The following LYRM9 variants were observed in gnomAD, a reference collection of about 807,000 sequenced individuals.
The protein encoded by LYRM9 is LYR motif containing 9.
In LYRM9, 14 loss-of-function variants were observed where a neutral mutation model predicts 12.6. That is an observed-to-expected ratio of 1.11 (90% CI 0.73 to 1.73). The LOEUF (loss-of-function observed/expected upper bound fraction) is 1.73, where lower values mean the gene tolerates loss of function less well. LYRM9 is among the 40% of genes most tolerant of loss of function. LYRM9 has a pLI of 0.00. For synonymous variants in LYRM9, 42 were observed against 35.1 expected, an observed-to-expected ratio of 1.20 and a Z score of -0.69; for missense variants, 94 against 95.0, an observed-to-expected ratio of 0.99 and a Z score of 0.04.
At chr17:27,880,125 C>T (rs777055842) in intron 3 of LYRM9, 149 bp downstream of exon 3, 31 of 721,072 alleles carry the variant, frequency 4.3e-5, no homozygotes, top group Non-Finnish European at 7.0e-5. Context: ...CTTCACCTTT[C>T]AGCTTCTGGA....
At chr17:27,883,307 C>T in intron 1 of LYRM9, 1 of 253,798 alleles carries the variant, frequency 3.9e-6, no homozygotes, top group Non-Finnish European at 7.9e-6. Flanking sequence ...CTAGGGGGCT[C>T]TGCAGAGAAG....
rs896537594 is a variant in LYRM9, at chr17:27,879,196, A to G, written c.*277T>C. ...TGAATCACTTTCAGAGAAAAGTAAA[A>G]GAACAAAAACACAAAAATAAAAAAC... is the stretch of plus-strand genomic sequence containing the variant. On this transcript the variant is annotated 3_prime_UTR_variant, in exon 4 of 4. Coordinates refer to ENST00000379102, the MANE Select transcript of LYRM9 (RefSeq NM_001076680.3). 12 of 387,646 alleles carry G rather than the reference A, an allele frequency of 3.1e-5. No individual in the cohort carries two copies. The highest frequency in any genetic ancestry group is 5.6e-5 in the Non-Finnish European group (12 of 215,028). 24.0% of individuals were successfully genotyped at this position (387,646 alleles called of 1,614,324 possible).
At chr17:27,890,389 TG>T (rs1905393257) in intron 1 of LYRM9, among the ~76,000 whole-genome samples, 1 of 150,038 alleles carries the variant, frequency 6.7e-6, no homozygotes, top group African/African-American at 2.5e-5. Flanking sequence ...TGCATATAGA[TG>T]GAAAAAAAAA....
intron 1 of LYRM9, among the ~76,000 whole-genome samples, chr17:27,889,371 A>G (rs7220420): frequency 0.8 from 120,426 of 151,454 alleles, 48,551 homozygotes; most frequent in African/African-American, 0.93. Context: ...GCAATGGCGC[A>G]ATCTTGGCTC....
In LYRM9 at chr17:27,886,414, G is replaced by T. The variant is rs970741623; in HGVS notation, c.-18-3702C>A. Among the ~76,000 whole-genome samples the T allele has an allele frequency of 1.3e-5, 2 of 152,174 alleles. No homozygotes were observed. The highest frequency in any genetic ancestry group is 4.8e-5 in the African/African-American group (2 of 41,424). On this transcript the variant is annotated intron_variant, in intron 1 of 3. Coordinates refer to ENST00000379102, the MANE Select transcript of LYRM9 (RefSeq NM_001076680.3). The surrounding 1 kb of genome is among the most constrained non-coding windows in gnomAD (Gnocchi z 4.8). ...GCGTAGGTTTGCTATTATTTAAGGG[G>T]CAATGAACCTCACAGCATCATTGCT... is the stretch of plus-strand genomic sequence containing the variant.
At chr17:27,885,422 G>A (rs1473759580) in intron 1 of LYRM9, among the ~76,000 whole-genome samples, 2 of 152,036 alleles carry the variant, frequency 1.3e-5, no homozygotes, top group African/African-American at 4.8e-5. Context: ...CCCAAATAAC[G>A]TATTTGGGCC....
chr17:27,880,614 G>A (rs1432816857), intron 2 of LYRM9: 2 of 544,876 alleles, frequency 3.7e-6, no homozygotes, highest in Non-Finnish European at 6.5e-6. Flanking sequence ...CAAGGTAGGT[G>A]CAAAAAGACT....
chr17:27,893,276 G>A (rs61436305), intron 1 of LYRM9, 41 bp downstream of exon 1: 3,839 of 153,048 alleles, frequency 0.025, 164 homozygotes, highest in African/African-American at 0.088. Flanking sequence ...CGCTGCCCCC[G>A]CGCCCCCGCC....
rs11319281 is a variant in LYRM9 at position 27,886,653 on chromosome 17, ATT to A, written c.-18-3943_-18-3942del. Among the ~76,000 whole-genome samples the A allele has an allele frequency of 9.7e-4, 137 of 141,472 alleles. 1 individual carries two copies. Among genetic ancestry groups the A allele is most frequent in the African/African-American group, 1.6e-3 (63 of 38,482 alleles). The allele number at this position is 141,472 out of a possible 152,430, so 92.8% of individuals were successfully genotyped here. A position where few individuals can be genotyped will look rare whatever the true frequency, so the allele number is the denominator to read the frequency against. On this transcript the variant is annotated intron_variant, in intron 1 of 3. Coordinates refer to ENST00000379102, the MANE Select transcript of LYRM9 (RefSeq NM_001076680.3). The surrounding 1 kb of genome is among the most constrained non-coding windows in gnomAD (Gnocchi z 4.8). ...TTTCTTTCTTTTCTTTTCTTTTTTT[ATT>A]TTTTTTTTTTTGAGACAGAGTTTCG...
At chr17:27,892,346 T>C (rs1447389157) in intron 1 of LYRM9, 7 of 444,136 alleles carry the variant, frequency 1.6e-5, no homozygotes, top group Non-Finnish European at 3.1e-5. Flanking sequence ...GAAGGGAAAT[T>C]AGTAAGAAAA....
chr17:27,891,613 C>A lies in LYRM9; in HGVS notation c.-19+1704G>T, dbSNP rs538713511. ...CCAGTTCCCTGTCACCTCCTTCAGGCTTTCATCCCATGCTGTTCACACCCC... is the reference window on the plus strand; with the variant it reads ...CCAGTTCCCTGTCACCTCCTTCAGGATTTCATCCCATGCTGTTCACACCCC... On this transcript the variant is annotated intron_variant, in intron 1 of 3. Coordinates refer to ENST00000379102, the MANE Select transcript of LYRM9 (RefSeq NM_001076680.3). Among the ~76,000 whole-genome samples the A allele has an allele frequency of 3.9e-5, 6 of 152,350 alleles. No individual in the cohort carries two copies. The South Asian group carries it at 1.2e-3, about 32-fold the overall frequency.
intron 1 of LYRM9, chr17:27,892,623 T>G: frequency 3.1e-6 from 1 of 321,866 alleles, no homozygotes; most frequent in South Asian, 2.5e-5. Context: ...AGTACATTGG[T>G]GGTTGCCTAG....
At chr17:27,882,291 G>A (rs372156730) in intron 2 of LYRM9, among the ~76,000 whole-genome samples, 1 of 152,228 alleles carries the variant, frequency 6.6e-6, no homozygotes, top group Admixed American at 6.5e-5. Flanking sequence ...TGGCAGGGAT[G>A]CCTGCCTAAA....
In LYRM9 at chr17:27,883,835, TAAAAAAAAAAAAAAAAAAAA is replaced by T. The variant is rs781375467; in HGVS notation, c.-18-1143_-18-1124del. 9.8e-4 allele frequency among the ~76,000 whole-genome samples: 24 copies of T among 24,576 alleles called. 1 individual carries two copies. The Admixed American group carries it at 0.014, about 14-fold the overall frequency. 16.1% of individuals were successfully genotyped at this position (24,576 alleles called of 152,430 possible). ...GCAGTCTGGCTCCAGAGCCTTTTTCTAAAAAAAAAAAAAAAAAAAAAAAAAAAAAAAAAAAGGCTGTATTG... is the reference window on the plus strand; with the variant it reads ...GCAGTCTGGCTCCAGAGCCTTTTTCTAAAAAAAAAAAAAAAGGCTGTATTG... On this transcript the variant is annotated intron_variant, in intron 1 of 3. Transcript: ENST00000379102.
chr17:27,881,781 T>C (rs761432940), intron 2 of LYRM9, among the ~76,000 whole-genome samples: 22 of 150,150 alleles, frequency 1.5e-4, no homozygotes, highest in Admixed American at 8.1e-4. Context: ...ATAGCCCATA[T>C]TCCAATTTCA....
chr17:27,882,749 C>A (rs772784545), intron 1 of LYRM9, 37 bp from the exon 2 acceptor site: 4 of 1,535,748 alleles, frequency 2.6e-6, no homozygotes, highest in Non-Finnish European at 3.5e-6. Flanking sequence ...GGGCATCAAG[C>A]CAAGTTCAGT....
intron 1 of LYRM9, 54 bp from the exon 2 acceptor site, chr17:27,882,766 C>T: frequency 6.7e-7 from 1 of 1,496,510 alleles, no homozygotes; most frequent in Non-Finnish European, 9.0e-7. Context: ...CAGTACTCAG[C>T]CCTGACCCCC....
intron 1 of LYRM9, among the ~76,000 whole-genome samples, chr17:27,889,222 C>T (rs1198019759): frequency 1.5e-4 from 23 of 152,220 alleles, no homozygotes; most frequent in Non-Finnish European, 5.9e-5. Flanking sequence ...AGGAATGCAG[C>T]TCAGACTGCT....
rs1905107961 is a variant in LYRM9 at position 27,882,818 on chromosome 17, G to A, written c.-18-106C>T. The A allele has an allele frequency of 9.6e-6, 12 of 1,251,336 alleles. No homozygotes were observed. In the South Asian group the frequency reaches 1.6e-4, roughly 17 times the overall value. The allele number at this position is 1,251,336 out of a possible 1,614,324, so 77.5% of individuals were successfully genotyped here. ...GGAAGCAAGCTTGGTGCAGTGCAGA[G>A]GCCCCTCCTGTCCCATCCCATGGAG... On this transcript the variant is annotated intron_variant, in intron 1 of 3. Transcript: ENST00000379102.
Sources: allele counts gnomAD v4.1 joint callset (sites outside exome capture counted in the v4.1 genomes callset), GRCh38; gene constraint gnomAD v4.1.1; non-coding constraint Gnocchi (gnomAD v3.1); transcripts MANE v1.5; gene names NCBI Gene and HGNC (gene_info 2026-07-23, HGNC 2026-07-21).